Variants in TANK observed in about 807,000 individuals in gnomAD.
The protein encoded by TANK is TRAF family member-associated NF-kappa-B activator.
In TANK, 15 loss-of-function variants were observed where a neutral mutation model predicts 43.6. The ratio of observed to expected loss-of-function variants is 0.34; its 90% CI spans 0.23 to 0.53. TANK has a LOEUF of 0.53. Among genes scored for constraint, TANK ranks in the 20% least tolerant of loss-of-function variants. The pLI is 0.94. For synonymous variants in TANK, 162 were observed against 178.2 expected (o/e 0.91, Z 0.73); for missense variants, 417 against 498.6 (o/e 0.84, Z 1.56).
intron 2 of TANK, among the ~76,000 whole-genome samples, chr2:161,189,062 A>G (rs1181383439): frequency 1.3e-5 from 2 of 152,184 alleles, no homozygotes; most frequent in East Asian, 3.8e-4. Context: ...TGTTCTTTAT[A>G]ATTTATCCAA....
At chr2:161,181,017 G>A (rs1685398384) in intron 2 of TANK, among the ~76,000 whole-genome samples, 1 of 151,560 alleles carries the variant, frequency 6.6e-6, no homozygotes, top group Non-Finnish European at 1.5e-5. Context: ...AGTCTTAAGT[G>A]GGCTGGCACA....
intron 4 of TANK, among the ~76,000 whole-genome samples, chr2:161,215,928 G>T (rs543850970): frequency 6.6e-6 from 1 of 152,150 alleles, no homozygotes; most frequent in East Asian, 1.9e-4. Context: ...ATATATCTTA[G>T]AATCCTAATA....
At chr2:161,206,245 T>A (rs1019746973) in intron 4 of TANK, among the ~76,000 whole-genome samples, 1 of 152,122 alleles carries the variant, frequency 6.6e-6, no homozygotes, top group African/African-American at 2.4e-5. Flanking sequence ...TCATAAGTCA[T>A]TGAAATTTTA....
chr2:161,203,590 C>T lies in TANK; in HGVS notation c.203C>T (p.Thr68Ile), dbSNP rs1277133445. 2 of 1,597,830 alleles carry T rather than the reference C, an allele frequency of 1.3e-6. No individual in the cohort carries two copies. Among genetic ancestry groups the T allele is most frequent in the Non-Finnish European group, 1.7e-6 (2 of 1,167,938 alleles). ...LKSQLLLVNS[T>I]QDNNYGCVPL... Reference sequence around the variant, plus strand: ...TCTCAGTTACTTCTTGTGAATTCCACTCAAGGTATGTTCATGTTAATTTTT... The same window carrying T: ...TCTCAGTTACTTCTTGTGAATTCCATTCAAGGTATGTTCATGTTAATTTTT... Residue 68 changes from threonine (T) to isoleucine (I), a missense_variant, in exon 3 of 8, where the codon ACT (threonine) becomes ATT (isoleucine). Transcript: ENST00000392749.
intron 4 of TANK, among the ~76,000 whole-genome samples, chr2:161,206,450 C>CTG (rs1686657433): frequency 6.6e-6 from 1 of 152,080 alleles, no homozygotes; most frequent in African/African-American, 2.4e-5. Flanking sequence ...TATTCAGTTA[C>CTG]TGATTGCATA....
intron 1 of TANK, chr2:161,163,184 A>G (rs1209695972): frequency 6.6e-6 from 1 of 152,122 alleles, no homozygotes; most frequent in Non-Finnish European, 1.5e-5. Flanking sequence ...GCTCTGATGT[A>G]GTTTAAATAG....
chr2:161,235,654 G>A lies in TANK; in HGVS notation c.*136G>A. ...TTCACAGCTATTTGAATTTTTTTCTGGATTTACTATATAACTCTTATTTTT... is the reference window on the plus strand; with the variant it reads ...TTCACAGCTATTTGAATTTTTTTCTAGATTTACTATATAACTCTTATTTTT... On this transcript the variant is annotated 3_prime_UTR_variant, in exon 8 of 8. Transcript: ENST00000392749. The A allele has an allele frequency of 1.6e-6, 1 of 639,950 alleles. No homozygotes were observed. The highest frequency in any genetic ancestry group is 2.4e-6 in the Non-Finnish European group (1 of 410,416). 39.6% of individuals were successfully genotyped at this position (639,950 alleles called of 1,614,324 possible).
At chr2:161,180,150 A>T in intron 2 of TANK, 1 of 978,844 alleles carries the variant, frequency 1.0e-6, no homozygotes, top group Non-Finnish European at 1.2e-6. Flanking sequence ...GCTGACAGGA[A>T]AACTTTTCAA....
chr2:161,138,730 A>C (rs1341260549), intron 1 of TANK, among the ~76,000 whole-genome samples: 1 of 152,224 alleles, frequency 6.6e-6, no homozygotes, highest in Non-Finnish European at 1.5e-5. Flanking sequence ...TTAAACACTT[A>C]TGACATTGAG....
At chr2:161,152,781 T>C in intron 1 of TANK, among the ~76,000 whole-genome samples, 1 of 152,206 alleles carries the variant, frequency 6.6e-6, no homozygotes, top group East Asian at 1.9e-4. Context: ...AAATTCACAC[T>C]GAGAAGGTCT....
In TANK at chr2:161,231,796, T is replaced by C. The variant is rs78266817; in HGVS notation, c.1101+245T>C. ...AGATTTAAAAATACATGTTAAGCCTTATCCATATCTGTCGTGGTGTCACTT... is the reference window on the plus strand; with the variant it reads ...AGATTTAAAAATACATGTTAAGCCTCATCCATATCTGTCGTGGTGTCACTT... On this transcript the variant is annotated intron_variant, in intron 7 of 7. Transcript: ENST00000392749. Among the ~76,000 whole-genome samples the C allele has an allele frequency of 7.4e-4, 112 of 152,348 alleles. 2 individuals carry two copies. The East Asian group carries it at 0.021, about 28-fold the overall frequency.
At chr2:161,200,632 T>A in intron 2 of TANK, 1 of 769,558 alleles carries the variant, frequency 1.3e-6, no homozygotes, top group Non-Finnish European at 1.6e-6. Flanking sequence ...CTTCAAACAT[T>A]ACCTATCTTT....
At chr2:161,174,301 TAAACA>T (rs1685084211) in intron 1 of TANK, among the ~76,000 whole-genome samples, 1 of 152,156 alleles carries the variant, frequency 6.6e-6, no homozygotes, top group Non-Finnish European at 1.5e-5. Context: ...TGTTATTGAA[TAAACA>T]AAAGTCACAG....
intron 2 of TANK, chr2:161,200,599 C>T (rs1457984711): frequency 1.1e-6 from 1 of 932,358 alleles, no homozygotes; most frequent in East Asian, 1.2e-4. Context: ...ACGGTATAAG[C>T]TTCCCTTTTT....
intron 2 of TANK, chr2:161,180,022 A>T: frequency 9.0e-7 from 1 of 1,110,198 alleles, no homozygotes; most frequent in African/African-American, 1.6e-5. Flanking sequence ...TTCCATAAAT[A>T]ATTTTAAAAT....
At chr2:161,200,052 C>T (rs949920077) in intron 2 of TANK, among the ~76,000 whole-genome samples, 1 of 152,168 alleles carries the variant, frequency 6.6e-6, no homozygotes, top group African/African-American at 2.4e-5. Flanking sequence ...GTGTTTGATA[C>T]AGATGGATGG....
At chr2:161,160,741 T>G (rs941555463) in intron 1 of TANK, 31 of 556,742 alleles carry the variant, frequency 5.6e-5, no homozygotes, top group Non-Finnish European at 1.1e-4. Flanking sequence ...ATCGTCGGCC[T>G]CTGCCCCAAC....
intron 4 of TANK, among the ~76,000 whole-genome samples, chr2:161,218,271 TA>T (rs1429292158): frequency 6.6e-6 from 1 of 152,198 alleles, no homozygotes; most frequent in Non-Finnish European, 1.5e-5. Context: ...TTTTTTATTG[TA>T]TGACAGGAAG....
rs1688159667 is a variant in TANK at position 161,236,121 on chromosome 2, T to C, written c.*603T>C. The stretch of plus-strand genomic sequence containing the variant: ...TTTTAAATAATATACATGGCTTTAA[T>C]TTTTACTGTGTGTATAGCTACATGA... On this transcript the variant is annotated 3_prime_UTR_variant, in exon 8 of 8. Transcript: ENST00000392749. 6.6e-6 allele frequency: 1 copy of C among 151,884 alleles called. No individual in the cohort carries two copies. The highest frequency in any genetic ancestry group is 2.4e-5 in the African/African-American group (1 of 41,360). The allele number at this position is 151,884 out of a possible 1,614,324, so 9.4% of individuals were successfully genotyped here.
Sources: gnomAD v4.1 joint callset for allele counts (sites outside exome capture counted in the v4.1 genomes callset) on GRCh38, gnomAD v4.1.1 for gene constraint, MANE v1.5 for transcripts, NCBI Gene and HGNC (gene_info 2026-07-23, HGNC 2026-07-21) for gene names.